Variants in MACF1 observed in about 807,000 individuals in gnomAD.
MACF1 encodes microtubule actin crosslinking factor 1.
Under a neutral mutation model 854.8 loss-of-function variants are expected in MACF1, and 193 were observed. The ratio of observed to expected loss-of-function variants is 0.23; its 90% CI spans 0.20 to 0.25. The LOEUF (loss-of-function observed/expected upper bound fraction) is 0.25. Among genes scored for constraint, MACF1 ranks in the 10% least tolerant of loss-of-function variants. MACF1 has a pLI of 1.00. For synonymous variants in MACF1, 3,185 were observed against 3,226.7 expected (o/e 0.99, Z 0.44); for missense variants, 7,722 against 8,929.1 (o/e 0.86, Z 5.45).
chr1:39,189,530 A>T (rs573056722), intron 2 of MACF1, among the ~76,000 whole-genome samples: 3 of 152,330 alleles, frequency 2.0e-5, no homozygotes, highest in Admixed American at 2.0e-4. Flanking sequence ...ACCCAAATAC[A>T]CAAACCCTGT....
At chr1:39,209,138 G>C (rs1479913182) in intron 1 of MACF1, among the ~76,000 whole-genome samples, 2 of 151,466 alleles carry the variant, frequency 1.3e-5, no homozygotes, top group African/African-American at 4.9e-5. Flanking sequence ...TGTAATCCCA[G>C]CTACTGGGGA....
chr1:39,345,797 G>A (rs1647032498), intron 40 of MACF1, among the ~76,000 whole-genome samples: 1 of 152,216 alleles, frequency 6.6e-6, no homozygotes, highest in Admixed American at 6.5e-5. Flanking sequence ...GGCCGGGCGT[G>A]TGGCTCACGC....
In MACF1 at chr1:39,370,330, A is replaced by T. The variant is rs559733822; in HGVS notation, c.13095+144A>T. The T allele has an allele frequency of 1.2e-4, 87 of 704,106 alleles. 1 individual carries two copies. The South Asian group carries it at 1.3e-3, about 10-fold the overall frequency. 43.6% of individuals were successfully genotyped at this position (704,106 alleles called of 1,614,324 possible). A position where few individuals can be genotyped will look rare whatever the true frequency, so the allele number is the denominator to read the frequency against. ...GAACAGAAATTCCTACGTTTTCTTC[A>T]TATGATAACCATCTACCCATACAGT... On this transcript the variant is annotated intron_variant, in intron 51 of 100. Transcript: ENST00000564288.
chr1:39,119,007 T>A (rs1642617031), intron 2 of MACF1, among the ~76,000 whole-genome samples: 1 of 152,098 alleles, frequency 6.6e-6, no homozygotes, highest in Non-Finnish European at 1.5e-5. Flanking sequence ...AAATGGTGAT[T>A]TCATTGTGGT....
intron 1 of MACF1, among the ~76,000 whole-genome samples, chr1:39,211,594 T>C (rs998333956): frequency 9.2e-5 from 14 of 151,984 alleles, no homozygotes; most frequent in African/African-American, 3.1e-4. Context: ...AATTAAGAAA[T>C]GTGACATGCC....
chr1:39,304,632 C>T (rs1185615635), intron 23 of MACF1: 8 of 529,242 alleles, frequency 1.5e-5, no homozygotes, highest in Non-Finnish European at 2.7e-5. Flanking sequence ...GGCACTATTT[C>T]AGCTCACTGC....
rs570196632 is a variant in MACF1, at chr1:39,443,372, A to G, written c.19303-74A>G. ...ATTCCTTCCTCAAGATAAACTCCTC[A>G]TATCATTTGGAAAGTTGACTTTTAA... On this transcript the variant is annotated intron_variant, in intron 78 of 100. Coordinates refer to ENST00000564288, the MANE Select transcript of MACF1 (RefSeq NM_001394062.1). 76 of 1,496,104 alleles carry G rather than the reference A, an allele frequency of 5.1e-5. 1 individual carries two copies. The Middle Eastern group carries it at 8.9e-4, about 18-fold the overall frequency. 92.7% of individuals were successfully genotyped at this position (1,496,104 alleles called of 1,614,324 possible). A position where few individuals can be genotyped will look rare whatever the true frequency, so the allele number is the denominator to read the frequency against.
chr1:39,364,265 C>T (rs1436617406), intron 49 of MACF1, among the ~76,000 whole-genome samples: 3 of 151,858 alleles, frequency 2.0e-5, no homozygotes, highest in African/African-American at 4.8e-5. Flanking sequence ...CTCTTATGAG[C>T]GAGGTTGAGT....
At chr1:39,103,705 G>C (rs1642151958) in intron 2 of MACF1, 1 of 152,212 alleles carries the variant, frequency 6.6e-6, no homozygotes, top group African/African-American at 2.4e-5. Flanking sequence ...TTAGCACGGA[G>C]GATTAAACTG....
chr1:39,102,212 AAAG>A (rs1642106381), intron 2 of MACF1, among the ~76,000 whole-genome samples: 2 of 150,178 alleles, frequency 1.3e-5, no homozygotes, highest in Non-Finnish European at 3.0e-5. Context: ...AGAGAGAGAG[AAAG>A]AGAGAGAGAA....
intron 2 of MACF1, among the ~76,000 whole-genome samples, chr1:39,145,761 C>T (rs561740737): frequency 6.6e-6 from 1 of 152,288 alleles, no homozygotes; most frequent in East Asian, 1.9e-4. Context: ...ATGAGTTGAC[C>T]TACTCTGGTG....
chr1:39,294,930 T>C, intron 18 of MACF1, 116 bp from the exon 19 acceptor site: 2 of 696,050 alleles, frequency 2.9e-6, no homozygotes, highest in Non-Finnish European at 5.0e-6. Flanking sequence ...ACATCTCATT[T>C]TGCCACCAAT....
intron 43 of MACF1, 116 bp from the exon 44 acceptor site, chr1:39,352,891 A>G (rs2148504558): frequency 1.6e-6 from 1 of 615,710 alleles, no homozygotes; most frequent in Non-Finnish European, 2.9e-6. Flanking sequence ...GACTGTTTAT[A>G]CCCAGTCTTA....
chr1:39,187,895 T>TCTGTCTCTCTCTCTCTCTCTC (rs1553160207), intron 2 of MACF1, among the ~76,000 whole-genome samples: 182 of 68,436 alleles, frequency 2.7e-3, no homozygotes, highest in African/African-American at 7.9e-3. Context: ...TCTCTCTCTC[T>TCTGTCTCTCTCTCTCTCTCTC]CTCTCTCCTC....
intron 26 of MACF1, among the ~76,000 whole-genome samples, chr1:39,312,780 A>C (rs1016278824): frequency 3.3e-5 from 5 of 151,590 alleles, no homozygotes; most frequent in Non-Finnish European, 5.9e-5. Context: ...AGCCGAGATC[A>C]CACCACTACA....
intron 2 of MACF1, among the ~76,000 whole-genome samples, chr1:39,165,428 A>G (rs1643872457): frequency 6.6e-6 from 1 of 152,188 alleles, no homozygotes; most frequent in South Asian, 2.1e-4. Context: ...GGCTTACTGC[A>G]TGTCACTGGG....
At chr1:39,348,857 C>T (rs957300222) in intron 41 of MACF1, among the ~76,000 whole-genome samples, 4 of 152,178 alleles carry the variant, frequency 2.6e-5, no homozygotes, top group African/African-American at 7.2e-5. Context: ...TTAGTGTAGA[C>T]ACCTAAAGGA....
At chr1:39,211,574 T>C (rs902332795) in intron 1 of MACF1, among the ~76,000 whole-genome samples, 1 of 152,042 alleles carries the variant, frequency 6.6e-6, no homozygotes, top group African/African-American at 2.4e-5. Context: ...GGCCTGTCTT[T>C]ATAGTTAGTA....
At chr1:39,479,758 A>T in intron 97 of MACF1, 40 bp from the exon 98 acceptor site, 1 of 1,570,860 alleles carries the variant, frequency 6.4e-7, no homozygotes, top group Non-Finnish European at 8.8e-7. Context: ...TATATTTTTT[A>T]GAAGAACTGA....
Sources: allele counts gnomAD v4.1 joint callset (sites outside exome capture counted in the v4.1 genomes callset), GRCh38; gene constraint gnomAD v4.1.1; transcripts MANE v1.5; gene names NCBI Gene and HGNC (gene_info 2026-07-23, HGNC 2026-07-21).